The following OPRM1 variants were observed in gnomAD, a reference collection of about 807,000 sequenced individuals.
OPRM1 encodes the protein mu-type opioid receptor.
A neutral mutation model predicts 31.8 loss-of-function variants in OPRM1; 27 were observed. That is an observed-to-expected ratio of 0.85 (90% CI 0.63 to 1.17). The LOEUF (loss-of-function observed/expected upper bound fraction) is 1.17, where lower values mean the gene tolerates loss of function less well. Among genes scored for constraint, OPRM1 ranks in the 50% most tolerant of loss-of-function variants. OPRM1 has a pLI of 0.00. For synonymous variants in OPRM1, 196 were observed against 189.9 expected, an observed-to-expected ratio of 1.03 and a Z score of -0.26; for missense variants, 536 against 511.1, an observed-to-expected ratio of 1.05 and a Z score of -0.47.
rs1461503903 is a variant in OPRM1, at chr6:154,168,172, A to T, written c.1164+76700A>T. 3 of 1,317,506 alleles carry T rather than the reference A, an allele frequency of 2.3e-6. No individual in the cohort carries two copies. The highest frequency in any genetic ancestry group is 1.0e-6 in the Non-Finnish European group (1 of 960,172). The allele number at this position is 1,317,506 out of a possible 1,614,324, so 81.6% of individuals were successfully genotyped here. A position where few individuals can be genotyped will look rare whatever the true frequency, so the allele number is the denominator to read the frequency against. ...AAACCCAGTGAAAAATCAAGGAGAGAACATTCAATACTGTGGTCCCAAGGC... is the reference window on the plus strand; with the variant it reads ...AAACCCAGTGAAAAATCAAGGAGAGTACATTCAATACTGTGGTCCCAAGGC... On this transcript the variant is annotated intron_variant, in intron 3 of 3. Coordinates refer to the OPRM1 transcript ENST00000337049. This position sits in a 1 kb window ranked among gnomAD's most constrained non-coding sequence, Gnocchi z 4.1.
intron 3 of OPRM1, among the ~76,000 whole-genome samples, chr6:154,164,404 C>T (rs1418299192): frequency 6.6e-6 from 1 of 152,134 alleles, no homozygotes; most frequent in Non-Finnish European, 1.5e-5. Flanking sequence ...GACAATAATA[C>T]AGAAGAAGGA....
In OPRM1 at chr6:154,237,213, A is replaced by T. The variant is rs1173912088; in HGVS notation, c.1165-9480A>T. Among the ~76,000 whole-genome samples, 3 of 152,302 alleles carry T rather than the reference A, an allele frequency of 2.0e-5. No individual in the cohort carries two copies. In the East Asian group the frequency reaches 5.8e-4, roughly 29 times the overall value. On this transcript the variant is annotated intron_variant, in intron 3 of 3. Transcript: ENST00000337049. ...CCTAATGAAAAGTTCAGCTCATCCC[A>T]TGGGCCACTTGGCATTCTGTTGCTT...
intron 3 of OPRM1, among the ~76,000 whole-genome samples, chr6:154,152,234 G>C (rs1798521102): frequency 7.7e-6 from 1 of 129,720 alleles, no homozygotes; most frequent in Non-Finnish European, 1.7e-5. Flanking sequence ...GAAAAAGAAA[G>C]AGAAAAGAAA....
chr6:154,089,374 C>T (rs1319734971), intron 1 of OPRM1, among the ~76,000 whole-genome samples: 3 of 151,882 alleles, frequency 2.0e-5, no homozygotes, highest in African/African-American at 7.3e-5. Flanking sequence ...ACTGCTTGAG[C>T]CCAAGAGTTC....
At chr6:154,221,011 T>C (rs1373183547) in intron 3 of OPRM1, among the ~76,000 whole-genome samples, 1 of 152,256 alleles carries the variant, frequency 6.6e-6, no homozygotes, top group Non-Finnish European at 1.5e-5. Context: ...TTTAATGACT[T>C]CTGTCCACTC....
At chr6:154,110,438 A>T (rs1218173079) in intron 3 of OPRM1, 1 of 1,443,116 alleles carries the variant, frequency 6.9e-7, no homozygotes, top group South Asian at 1.2e-5. Flanking sequence ...CCGTGAAAGA[A>T]TATAAGATTG....
rs187159547 is a variant in OPRM1, at chr6:154,074,746, G to A, written c.291-15080G>A. Among the ~76,000 whole-genome samples the A allele has an allele frequency of 1.7e-4, 25 of 151,274 alleles. No homozygotes were observed. In the East Asian group the frequency reaches 4.5e-3, roughly 27 times the overall value. On this transcript the variant is annotated intron_variant, in intron 1 of 3. Transcript: ENST00000330432. ...AGTGCACTCCAGCCCGGAGGACAGA[G>A]CAAGACTCCAAATAAAAAAAGAAAA... is the stretch of plus-strand genomic sequence containing the variant.
At chr6:154,050,691 A>G (rs567710500) in intron 1 of OPRM1, among the ~76,000 whole-genome samples, 10 of 152,304 alleles carry the variant, frequency 6.6e-5, no homozygotes, top group Admixed American at 6.5e-4. Context: ...AAGACCTACT[A>G]TCTGAAAGCA....
intron 2 of OPRM1, 54 bp from the exon 3 acceptor site, chr6:154,090,898 T>C: frequency 6.5e-7 from 1 of 1,529,616 alleles, no homozygotes; most frequent in Non-Finnish European, 8.9e-7. Context: ...ATTAACACCT[T>C]ATGACATAAT....
At chr6:154,096,060 T>G (rs1365826661) in intron 3 of OPRM1, among the ~76,000 whole-genome samples, 1 of 152,076 alleles carries the variant, frequency 6.6e-6, no homozygotes, top group Non-Finnish European at 1.5e-5. Context: ...TGTTTGTTTG[T>G]TTTTTGATTT....
chr6:154,107,835 T>C (rs1177428157), intron 3 of OPRM1: 14 of 715,662 alleles, frequency 2.0e-5, no homozygotes, highest in Non-Finnish European at 3.1e-5. Flanking sequence ...TGTTTTATCC[T>C]GAAGTATCCC....
chr6:154,172,940 C>A (rs1456425890), intron 3 of OPRM1, among the ~76,000 whole-genome samples: 2 of 152,194 alleles, frequency 1.3e-5, no homozygotes, highest in African/African-American at 4.8e-5. Flanking sequence ...TCAGTGGGTG[C>A]CCCTCTGGGG....
At position 154,210,645 on chromosome 6, in the gene OPRM1, T is replaced by C. The variant is rs539668892; in HGVS notation, c.1165-36048T>C. Among the ~76,000 whole-genome samples, 3 of 152,260 alleles carry C rather than the reference T, an allele frequency of 2.0e-5. No individual in the cohort carries two copies. In the South Asian group the frequency reaches 6.2e-4, roughly 32 times the overall value. On this transcript the variant is annotated intron_variant, in intron 3 of 3. Transcript: ENST00000337049. ...TGAAAGATATAAAGAAAATAAAAGC[T>C]TTTTCTAAAATCCAAAATTGATTTT...
At chr6:154,043,194 A>G (rs1583194251) in intron 1 of OPRM1, among the ~76,000 whole-genome samples, 2 of 152,168 alleles carry the variant, frequency 1.3e-5, no homozygotes, top group Non-Finnish European at 2.9e-5. Flanking sequence ...TAAATTTCCA[A>G]TGAAGAGTGC....
chr6:154,120,636 C>T lies in OPRM1; in HGVS notation c.*1915C>T, dbSNP rs1329228446. The stretch of plus-strand genomic sequence containing the variant: ...AGTAAAATGGATAATTCAAACAGAA[C>T]ACAATGTAATATTTGTATGTAAATA... On this transcript the variant is annotated 3_prime_UTR_variant, in exon 4 of 4. Coordinates refer to ENST00000330432, the MANE Select transcript of OPRM1 (RefSeq NM_000914.5). 6.6e-6 allele frequency among the ~76,000 whole-genome samples: 1 copy of T among 152,078 alleles called. No individual in the cohort carries two copies. Among genetic ancestry groups the T allele is most frequent in the Non-Finnish European group, 1.5e-5 (1 of 68,004 alleles).
At chr6:154,118,572 A>T in intron 3 of OPRM1, 111 bp from the exon 4 acceptor site, 1 of 928,398 alleles carries the variant, frequency 1.1e-6, no homozygotes, top group Non-Finnish European at 1.7e-6. Flanking sequence ...TGCAGGTGAA[A>T]GTATACATGA....
intron 3 of OPRM1, among the ~76,000 whole-genome samples, chr6:154,230,552 C>A (rs1779639461): frequency 6.6e-6 from 1 of 152,116 alleles, no homozygotes; most frequent in Non-Finnish European, 1.5e-5. Context: ...GTCAGAAAAG[C>A]AGAAGGGCTG....
chr6:154,173,416 A>C (rs1800035798), intron 3 of OPRM1, among the ~76,000 whole-genome samples: 1 of 151,926 alleles, frequency 6.6e-6, no homozygotes, highest in African/African-American at 2.4e-5. Context: ...GATGCTAAAA[A>C]CCTTGAAAAA....
At chr6:154,096,538 C>T (rs1793420060) in intron 3 of OPRM1, among the ~76,000 whole-genome samples, 3 of 151,964 alleles carry the variant, frequency 2.0e-5, no homozygotes, top group East Asian at 1.9e-4. Context: ...TATTTTTGCA[C>T]CAGGCTAGTA....
Sources: gnomAD v4.1 joint callset for allele counts (sites outside exome capture counted in the v4.1 genomes callset) on GRCh38, gnomAD v4.1.1 for gene constraint, Gnocchi (gnomAD v3.1) non-coding constraint, MANE v1.5 for transcripts, NCBI Gene and HGNC (gene_info 2026-07-23, HGNC 2026-07-21) for gene names.